Variants in ZC2HC1A observed in about 807,000 individuals in gnomAD.
The protein encoded by ZC2HC1A is zinc finger C2HC-type containing 1A.
Under a neutral mutation model 40.7 loss-of-function variants are expected in ZC2HC1A, and 28 were observed. The ratio of observed to expected loss-of-function variants is 0.69; its 90% CI spans 0.51 to 0.94. The LOEUF is 0.94. Ranked by LOEUF, ZC2HC1A falls within the 40% of genes least tolerant of loss-of-function variation. ZC2HC1A has a pLI of 0.00. For missense variants in ZC2HC1A, 389 were observed against 386.3 expected (o/e 1.01, Z -0.06); for synonymous variants, 129 against 129.2 (o/e 1.00, Z 0.01).
At chr8:78,671,939 C>T (rs1023780560) in intron 1 of ZC2HC1A, among the ~76,000 whole-genome samples, 7 of 152,072 alleles carry the variant, frequency 4.6e-5, no homozygotes, top group African/African-American at 1.4e-4. Flanking sequence ...TGTTAAATTA[C>T]CGTACGTTAC....
At chr8:78,669,967 C>CTTTTTTT (rs371762916) in intron 1 of ZC2HC1A, among the ~76,000 whole-genome samples, 1 of 123,034 alleles carries the variant, frequency 8.1e-6, no homozygotes, top group Non-Finnish European at 1.6e-5. Flanking sequence ...TTCTTTCTTT[C>CTTTTTTT]TTTCTTTTTT....
intron 1 of ZC2HC1A, among the ~76,000 whole-genome samples, chr8:78,669,857 T>C (rs1253572471): frequency 2.0e-5 from 3 of 152,188 alleles, no homozygotes; most frequent in Non-Finnish European, 4.4e-5. Flanking sequence ...AGTATTTGTT[T>C]TTTATCATCC....
intron 8 of ZC2HC1A, among the ~76,000 whole-genome samples, chr8:78,716,039 CAAA>C (rs753499894): frequency 3.5e-5 from 2 of 57,068 alleles, no homozygotes; most frequent in African/African-American, 7.0e-5. Context: ...GACTCCATCT[CAAA>C]AAAAAAAAAA....
At chr8:78,684,128 A>C (rs1809876858) in intron 3 of ZC2HC1A, among the ~76,000 whole-genome samples, 2 of 152,284 alleles carry the variant, frequency 1.3e-5, no homozygotes, top group Admixed American at 1.3e-4. Flanking sequence ...CCCAGTTCCA[A>C]AGTTGCTTAC....
chr8:78,697,722 A>G (rs1439267641), intron 6 of ZC2HC1A, among the ~76,000 whole-genome samples: 1 of 146,128 alleles, frequency 6.8e-6, no homozygotes, highest in East Asian at 2.0e-4. Flanking sequence ...TCTGTTGCCC[A>G]GGTTTGAGTG....
intron 1 of ZC2HC1A, among the ~76,000 whole-genome samples, chr8:78,671,483 T>C (rs1809436786): frequency 6.6e-6 from 1 of 152,194 alleles, no homozygotes; most frequent in Non-Finnish European, 1.5e-5. Flanking sequence ...AGCTGCAAAA[T>C]TTGCTAGTTT....
chr8:78,673,076 C>G (rs187150103), intron 1 of ZC2HC1A, among the ~76,000 whole-genome samples: 1 of 152,048 alleles, frequency 6.6e-6, no homozygotes, highest in Non-Finnish European at 1.5e-5. Flanking sequence ...GCCTCCCACC[C>G]CCTGACAGGC....
At chr8:78,667,303 C>T (rs1809327921) in intron 1 of ZC2HC1A, among the ~76,000 whole-genome samples, 2 of 152,092 alleles carry the variant, frequency 1.3e-5, no homozygotes, top group African/African-American at 4.8e-5. Context: ...CTGCAGTATG[C>T]TATGGCCTAA....
chr8:78,678,541 C>G, intron 2 of ZC2HC1A, 22 bp from the exon 3 acceptor site: 1 of 1,560,714 alleles, frequency 6.4e-7, no homozygotes, highest in South Asian at 1.2e-5. Context: ...AAATGATAGG[C>G]TGCATTTCTT....
rs1446594051 is a variant in ZC2HC1A at position 78,687,691 on chromosome 8, T to G, written c.352+1083T>G. Among the ~76,000 whole-genome samples, 23 of 110,052 alleles carry G rather than the reference T, an allele frequency of 2.1e-4. 2 individuals are homozygous for G. The highest frequency in any genetic ancestry group is 7.4e-4 in the African/African-American group (23 of 30,940). 72.2% of individuals were successfully genotyped at this position (110,052 alleles called of 152,430 possible). ...ATTTACGTAATACATTATATATATT[T>G]ACGTAATACATTATATATATATTTA... On this transcript the variant is annotated intron_variant, in intron 4 of 8. Coordinates refer to ENST00000263849, the MANE Select transcript of ZC2HC1A (RefSeq NM_016010.3).
At position 78,689,254 on chromosome 8, in the gene ZC2HC1A, T is replaced by G; in HGVS notation, c.385T>G (p.Phe129Val). 5 of 1,591,070 alleles carry G rather than the reference T, an allele frequency of 3.1e-6. No individual in the cohort carries two copies. The highest frequency in any genetic ancestry group is 4.3e-6 in the Non-Finnish European group (5 of 1,168,760). Residue 129 changes from phenylalanine to valine, a missense_variant, in exon 5 of 9, where the codon TTC (phenylalanine) becomes GTC (valine). By Grantham distance (50) the Phe-to-Val change is conservative. Coordinates refer to ENST00000263849, the MANE Select transcript of ZC2HC1A (RefSeq NM_016010.3). ...TCAATGTCCATATTGTCAGAGGAGA[T>G]TCAATGAAAATGCAGCTGATAGACA... ...YIQCPYCQRR[F>V]NENAADRHIN...
At chr8:78,714,531 A>T (rs1415161525) in intron 7 of ZC2HC1A, among the ~76,000 whole-genome samples, 4 of 152,168 alleles carry the variant, frequency 2.6e-5, no homozygotes, top group African/African-American at 9.7e-5. Flanking sequence ...CAGTAGCATT[A>T]GCATTTGAAT....
At position 78,697,948 on chromosome 8, in the gene ZC2HC1A, G is replaced by A. The variant is rs570004025; in HGVS notation, c.604+442G>A. Among the ~76,000 whole-genome samples the A allele has an allele frequency of 2.0e-5, 3 of 152,222 alleles. No individual in the cohort carries two copies. In the East Asian group the frequency reaches 5.8e-4, roughly 29 times the overall value. On this transcript the variant is annotated intron_variant, in intron 6 of 8. Transcript: ENST00000263849. ...CAACCTGAGCCTCCTAAAGTGCTGAGATTACTGGCGTGAGCCACCGTGGTG... is the reference window on the plus strand; with the variant it reads ...CAACCTGAGCCTCCTAAAGTGCTGAAATTACTGGCGTGAGCCACCGTGGTG...
chr8:78,675,927 C>T (rs1308736615), intron 2 of ZC2HC1A, 64 bp downstream of exon 2: 1 of 1,408,976 alleles, frequency 7.1e-7, no homozygotes, highest in Non-Finnish European at 1.0e-6. Context: ...TAATTCTGGT[C>T]AATTCTCATG....
At chr8:78,698,984 C>T (rs769714417) in intron 7 of ZC2HC1A, among the ~76,000 whole-genome samples, 3 of 152,076 alleles carry the variant, frequency 2.0e-5, no homozygotes, top group African/African-American at 4.8e-5. Context: ...ACTGTAAACA[C>T]TGGACTCTTT....
intron 5 of ZC2HC1A, among the ~76,000 whole-genome samples, chr8:78,693,066 AT>A (rs1368703203): frequency 6.6e-6 from 1 of 151,742 alleles, no homozygotes; most frequent in African/African-American, 2.4e-5. Flanking sequence ...TGAACTCATC[AT>A]TTTTTATGGC....
chr8:78,688,856 T>C (rs564508167), intron 4 of ZC2HC1A, among the ~76,000 whole-genome samples: 1 of 152,230 alleles, frequency 6.6e-6, no homozygotes, highest in African/African-American at 2.4e-5. Context: ...GTATTATTAC[T>C]TCCTAACTAG....
intron 1 of ZC2HC1A, among the ~76,000 whole-genome samples, chr8:78,673,555 C>T (rs1809493792): frequency 1.3e-5 from 2 of 152,144 alleles, no homozygotes; most frequent in South Asian, 2.1e-4. Context: ...GTTCCTATTT[C>T]TCCACATCCT....
chr8:78,670,703 A>G (rs948047756), intron 1 of ZC2HC1A, among the ~76,000 whole-genome samples: 14 of 152,294 alleles, frequency 9.2e-5, no homozygotes, highest in African/African-American at 3.4e-4. Context: ...AGAGAAAGGT[A>G]GGAGGTAGAA....
Sources: allele counts gnomAD v4.1 joint callset (sites outside exome capture counted in the v4.1 genomes callset), GRCh38; gene constraint gnomAD v4.1.1; transcripts MANE v1.5; gene names NCBI Gene and HGNC (gene_info 2026-07-23, HGNC 2026-07-21).